Variants in CSPP1 observed in about 807,000 individuals in gnomAD.
CSPP1 encodes centrosome and spindle pole-associated protein 1.
A neutral mutation model predicts 164.4 loss-of-function variants in CSPP1; 126 were observed. That is an observed-to-expected ratio of 0.77 (90% CI 0.66 to 0.89). The LOEUF (loss-of-function observed/expected upper bound fraction) is 0.89. Ranked by LOEUF, CSPP1 falls within the 40% of genes least tolerant of loss-of-function variation. The pLI is 0.00. For synonymous variants in CSPP1, 472 were observed against 476.7 expected (o/e 0.99, Z 0.13); for missense variants, 1,395 against 1,449.8 (o/e 0.96, Z 0.61).
intron 25 of CSPP1, chr8:67,174,721 T>TGC (rs1831197025): frequency 6.6e-6 from 1 of 150,490 alleles, no homozygotes; most frequent in Non-Finnish European, 1.5e-5. Flanking sequence ...GCCAAGACCG[T>TGC]GCCACTGCAC....
chr8:67,168,262 G>A (rs961086727), intron 24 of CSPP1, among the ~76,000 whole-genome samples: 1 of 151,156 alleles, frequency 6.6e-6, no homozygotes, highest in South Asian at 2.1e-4. Flanking sequence ...GTCCAGCTTC[G>A]GCTCGGCATC....
chr8:67,167,015 A>G (rs543998933), intron 24 of CSPP1, among the ~76,000 whole-genome samples: 3 of 152,208 alleles, frequency 2.0e-5, no homozygotes, highest in Non-Finnish European at 4.4e-5. Flanking sequence ...GACACAGCAC[A>G]TGTTTCAGAG....
At chr8:67,086,787 TAC>T in intron 4 of CSPP1, 2 of 1,286,724 alleles carry the variant, frequency 1.6e-6, no homozygotes, top group South Asian at 1.2e-5. Flanking sequence ...TTTGACTTAA[TAC>T]ACTTTGTCAA....
At chr8:67,104,621 G>A (rs1472644285) in intron 8 of CSPP1, among the ~76,000 whole-genome samples, 8 of 149,656 alleles carry the variant, frequency 5.3e-5, no homozygotes, top group Non-Finnish European at 1.0e-4. Flanking sequence ...TTTTATTTAC[G>A]TGCACTTTTT....
intron 4 of CSPP1, chr8:67,086,673 A>G (rs1373256329): frequency 1.6e-5 from 6 of 385,534 alleles, no homozygotes; most frequent in Admixed American, 4.4e-5. Flanking sequence ...AACAATTATG[A>G]TATTTGTTGT....
chr8:67,065,641 G>GT, intron 1 of CSPP1: 1 of 369,750 alleles, frequency 2.7e-6, no homozygotes, highest in Non-Finnish European at 3.7e-6. Flanking sequence ...TTTTTTGTTT[G>GT]TTTGTTTTGT....
chr8:67,174,740 G>A (rs1236257635), intron 25 of CSPP1: 3 of 153,354 alleles, frequency 2.0e-5, no homozygotes, highest in Non-Finnish European at 4.3e-5. Context: ...ACTCCAGCCT[G>A]GGCGACAGAG....
chr8:67,183,951 C>G (rs1384277990), intron 28 of CSPP1, among the ~76,000 whole-genome samples: 2 of 146,608 alleles, frequency 1.4e-5, no homozygotes, highest in Non-Finnish European at 3.0e-5. Context: ...CTCCCGGGTT[C>G]AAGCGATTCT....
At chr8:67,166,936 A>G (rs969822603) in intron 24 of CSPP1, among the ~76,000 whole-genome samples, 7 of 152,102 alleles carry the variant, frequency 4.6e-5, no homozygotes, top group Non-Finnish European at 1.0e-4. Flanking sequence ...CTTAACCAGC[A>G]TGCTGCCTTC....
intron 15 of CSPP1, among the ~76,000 whole-genome samples, chr8:67,131,659 A>G (rs1227385908): frequency 3.9e-5 from 6 of 152,198 alleles, no homozygotes; most frequent in East Asian, 1.9e-4. Flanking sequence ...GAAGCCGCCT[A>G]AGTCATATGT....
intron 28 of CSPP1, among the ~76,000 whole-genome samples, chr8:67,183,844 T>TA (rs1491219429): frequency 1.3e-5 from 1 of 79,432 alleles, no homozygotes; most frequent in East Asian, 2.6e-4. Context: ...AAATTGGGAA[T>TA]TTTTTTTTTT....
rs766230896 is a variant in CSPP1, at chr8:67,149,843, C to G, written c.2036C>G (p.Thr679Arg). 3.1e-6 allele frequency: 5 copies of G among 1,606,284 alleles called. No homozygotes were observed. The highest frequency in any genetic ancestry group is 4.2e-6 in the Non-Finnish European group (5 of 1,176,634). The change falls in exon 18 of 31, where the codon ACA becomes AGA. Residue 679 changes from threonine to arginine, a missense_variant. Physicochemically the swap from Thr to Arg is moderately conservative, Grantham distance 71. Transcript: ENST00000678616. ...GCCTACCATAACCCAGATGCAAGAA[C>G]ATATGAAGATAAAAGGGCTGTTGTA... Reference protein sequence around the residue: ...IDAYHNPDARTYEDKRAVVSL... With the variant: ...IDAYHNPDARRYEDKRAVVSL...
At chr8:67,066,118 G>C (rs1805501803) in intron 1 of CSPP1, among the ~76,000 whole-genome samples, 1 of 152,094 alleles carries the variant, frequency 6.6e-6, no homozygotes, top group Admixed American at 6.6e-5. Context: ...CACCATTAAG[G>C]GTGTATTATT....
intron 29 of CSPP1, among the ~76,000 whole-genome samples, chr8:67,192,084 T>G (rs898470843): frequency 4.0e-5 from 6 of 151,110 alleles, no homozygotes; most frequent in Non-Finnish European, 8.8e-5. Flanking sequence ...TTTTGTTTTT[T>G]TTTTTTGATA....
At chr8:67,193,894 T>C (rs1255139224) in intron 30 of CSPP1, among the ~76,000 whole-genome samples, 1 of 152,268 alleles carries the variant, frequency 6.6e-6, no homozygotes, top group Non-Finnish European at 1.5e-5. Context: ...AAATGCTATA[T>C]GATAATAGTA....
intron 15 of CSPP1, among the ~76,000 whole-genome samples, chr8:67,121,233 C>T (rs946025125): frequency 3.3e-5 from 5 of 152,132 alleles, no homozygotes; most frequent in South Asian, 4.1e-4. Context: ...ATGGCTAAAG[C>T]GGGCATCCCT....
At chr8:67,115,263 A>G (rs1563594925) in intron 12 of CSPP1, 1 of 152,250 alleles carries the variant, frequency 6.6e-6, no homozygotes, top group Non-Finnish European at 1.5e-5. Flanking sequence ...AGAATACTAC[A>G]GGTATATTTA....
At chr8:67,186,316 T>C (rs1476845190) in intron 28 of CSPP1, among the ~76,000 whole-genome samples, 1 of 151,822 alleles carries the variant, frequency 6.6e-6, no homozygotes, top group Non-Finnish European at 1.5e-5. Context: ...GTTTTAAATA[T>C]GTATGGAATG....
chr8:67,088,412 G>A (rs1160516183), intron 4 of CSPP1, among the ~76,000 whole-genome samples: 1 of 151,172 alleles, frequency 6.6e-6, no homozygotes, highest in South Asian at 2.1e-4. Flanking sequence ...CTCAGCTCCC[G>A]GAGTAGCTGG....
Sources: allele counts gnomAD v4.1 joint callset (sites outside exome capture counted in the v4.1 genomes callset), GRCh38; gene constraint gnomAD v4.1.1; transcripts MANE v1.5; gene names NCBI Gene and HGNC (gene_info 2026-07-23, HGNC 2026-07-21).